The following PAM variants were observed in gnomAD, a reference collection of about 807,000 sequenced individuals.
PAM encodes the protein peptidyl-glycine alpha-amidating monooxygenase.
Under a neutral mutation model 122.1 loss-of-function variants are expected in PAM, and 72 were observed. That is an observed-to-expected ratio of 0.59 (90% CI 0.49 to 0.72). PAM has a LOEUF of 0.72. Among genes scored for constraint, PAM ranks in the 30% least tolerant of loss-of-function variants. PAM has a pLI of 0.00. For missense variants in PAM, 1,106 were observed against 1,183.7 expected (o/e 0.93, Z 0.96); for synonymous variants, 389 against 404.4 (o/e 0.96, Z 0.46).
intron 14 of PAM, 25 bp downstream of exon 14, chr5:102,961,254 A>G (rs1458798852): frequency 7.8e-7 from 1 of 1,280,480 alleles, no homozygotes; most frequent in Non-Finnish European, 1.1e-6. Flanking sequence ...TTCTATAACT[A>G]GTCCTATAAA....
intron 3 of PAM, among the ~76,000 whole-genome samples, chr5:102,873,989 T>G (rs1038298239): frequency 1.3e-5 from 2 of 152,188 alleles, no homozygotes; most frequent in African/African-American, 4.8e-5. Context: ...TTATGCAATG[T>G]GTATAAAATT....
At chr5:102,977,459 A>G (rs1198074606) in intron 15 of PAM, among the ~76,000 whole-genome samples, 1 of 151,902 alleles carries the variant, frequency 6.6e-6, no homozygotes, top group Non-Finnish European at 1.5e-5. Context: ...TGCGAATAGC[A>G]TTTTTTTTAG....
intron 1 of PAM, among the ~76,000 whole-genome samples, chr5:102,814,560 TAGATATATACATATA>T (rs1292652648): frequency 8.1e-5 from 12 of 148,136 alleles, no homozygotes; most frequent in African/African-American, 3.0e-4. Context: ...TACATATATA[TAGATATATACATATA>T]TTGATATATA....
At chr5:102,931,453 G>A (rs780261209) in intron 7 of PAM, among the ~76,000 whole-genome samples, 3 of 152,090 alleles carry the variant, frequency 2.0e-5, no homozygotes, top group Non-Finnish European at 4.4e-5. Flanking sequence ...TTTTTTCAGC[G>A]AAATCTTGTT....
chr5:102,932,419 C>T (rs1465139895), intron 7 of PAM, among the ~76,000 whole-genome samples: 2 of 151,764 alleles, frequency 1.3e-5, no homozygotes, highest in Admixed American at 6.6e-5. Context: ...ACCCGGGAGG[C>T]AGAGGTTGCA....
intron 5 of PAM, among the ~76,000 whole-genome samples, chr5:102,917,272 C>G (rs1212109871): frequency 6.6e-6 from 1 of 152,120 alleles, no homozygotes; most frequent in Non-Finnish European, 1.5e-5. Context: ...TTATAGTACT[C>G]ACAACAAAAA....
At chr5:102,903,969 A>G (rs1262334470) in intron 4 of PAM, among the ~76,000 whole-genome samples, 2 of 151,610 alleles carry the variant, frequency 1.3e-5, no homozygotes, top group African/African-American at 4.8e-5. Context: ...TCTTAACAAA[A>G]CAAATAACAA....
chr5:102,933,148 A>G (rs1167608731), intron 7 of PAM, among the ~76,000 whole-genome samples: 3 of 152,212 alleles, frequency 2.0e-5, no homozygotes, highest in Non-Finnish European at 4.4e-5. Context: ...GATCACACCT[A>G]GTTTAGATGT....
intron 1 of PAM, among the ~76,000 whole-genome samples, chr5:102,780,795 CTT>C (rs1157558293): frequency 7.0e-6 from 1 of 142,216 alleles, no homozygotes; most frequent in African/African-American, 2.7e-5. Context: ...TTCTTTCTTT[CTT>C]TCTTTCTTTC....
In PAM at chr5:102,925,001, A is replaced by G; in HGVS notation, c.401A>G (p.Tyr134Cys). 6.3e-7 allele frequency: 1 copy of G among 1,596,908 alleles called. No individual in the cohort carries two copies. The highest frequency in any genetic ancestry group is 8.6e-7 in the Non-Finnish European group (1 of 1,164,264). The stretch of plus-strand genomic sequence containing the variant: ...TGTACAGATAAAGCCAATATTCTGT[A>G]TGCCTGGGCGAGAAATGCTCCCCCT... Reference protein sequence around the residue: ...GTCTDKANILYAWARNAPPTR... With the variant: ...GTCTDKANILCAWARNAPPTR... Residue 134 changes from tyrosine to cysteine, a missense_variant, in exon 6 of 26, where the codon TAT becomes TGT. By Grantham distance (194) the Tyr-to-Cys change is radical. Around this residue, in one of 3 missense-constraint regions of PAM, gnomAD observed 670 missense variants for 690.3 expected, o/e 0.97. Transcript: ENST00000438793.
At chr5:102,943,323 T>C (rs1242530166) in intron 7 of PAM, among the ~76,000 whole-genome samples, 2 of 152,108 alleles carry the variant, frequency 1.3e-5, no homozygotes, top group Non-Finnish European at 2.9e-5. Context: ...ACTACTTAGC[T>C]AAGAATCCAA....
chr5:102,843,862 C>G (rs925520680), intron 1 of PAM, among the ~76,000 whole-genome samples: 4 of 152,148 alleles, frequency 2.6e-5, no homozygotes, highest in Non-Finnish European at 5.9e-5. Context: ...ACATCAAATA[C>G]TGACAAAGAT....
intron 6 of PAM, among the ~76,000 whole-genome samples, chr5:102,926,241 C>T (rs1749481366): frequency 6.6e-6 from 1 of 152,134 alleles, no homozygotes; most frequent in East Asian, 1.9e-4. Context: ...ACTACAGGCG[C>T]CCGCCACCGC....
intron 5 of PAM, 39 bp from the exon 6 acceptor site, chr5:102,924,918 A>T (rs1297092162): frequency 9.3e-7 from 1 of 1,079,354 alleles, no homozygotes; most frequent in African/African-American, 1.5e-5. Flanking sequence ...GCATTTCACT[A>T]TTTAAATCTT....
chr5:102,787,847 C>A (rs1760960973), intron 1 of PAM, among the ~76,000 whole-genome samples: 1 of 151,954 alleles, frequency 6.6e-6, no homozygotes. Flanking sequence ...AACTGGAGTT[C>A]TCTAAGCCAT....
Position 102,761,923 on chromosome 5 carries a change from C to T in PAM, c.-374+6575C>T, listed in dbSNP as rs1752470020. ...ATCAACAAATCCTTATTTTCATAGA[C>T]ATTCCTTTCAAATTCAGTGAATTCT... On this transcript the variant is annotated intron_variant, in intron 1 of 25. Transcript: ENST00000438793. Among the ~76,000 whole-genome samples, 3 of 152,170 alleles carry T rather than the reference C, an allele frequency of 2.0e-5. No individual in the cohort carries two copies. The South Asian group carries it at 6.2e-4, about 32-fold the overall frequency.
chr5:102,839,234 T>C (rs1483506078), intron 1 of PAM, among the ~76,000 whole-genome samples: 2 of 152,206 alleles, frequency 1.3e-5, no homozygotes, highest in African/African-American at 4.8e-5. Flanking sequence ...GTAGAATCAT[T>C]ATTTCTTTTT....
intron 1 of PAM, among the ~76,000 whole-genome samples, chr5:102,816,847 T>G (rs1687194575): frequency 6.6e-6 from 1 of 152,168 alleles, no homozygotes; most frequent in African/African-American, 2.4e-5. Context: ...CTGACAGTTT[T>G]TAAATTCATA....
intron 1 of PAM, among the ~76,000 whole-genome samples, chr5:102,820,663 G>A (rs1029366035): frequency 9.2e-5 from 14 of 152,114 alleles, no homozygotes; most frequent in African/African-American, 3.4e-4. Context: ...CATGTATTAT[G>A]CATAACAACA....
Sources: gnomAD v4.1 joint callset for allele counts (sites outside exome capture counted in the v4.1 genomes callset) on GRCh38, gnomAD v4.1.1 for gene constraint, gnomAD v4.1.1 regional missense constraint, MANE v1.5 for transcripts, NCBI Gene and HGNC (gene_info 2026-07-23, HGNC 2026-07-21) for gene names.